The following UBASH3B variants were observed in gnomAD, a reference collection of about 807,000 sequenced individuals.
UBASH3B encodes ubiquitin-associated and SH3 domain-containing protein B.
UBASH3B carries 37 observed loss-of-function variants against 83.4 expected under a neutral mutation model. That is an observed-to-expected ratio of 0.44 (90% CI 0.34 to 0.58). UBASH3B has a LOEUF of 0.58. UBASH3B is among the 20% of genes least tolerant of loss of function. The pLI is 0.01. For missense variants in UBASH3B, 657 were observed against 827.2 expected, an observed-to-expected ratio of 0.79 and a Z score of 2.52; for synonymous variants, 304 against 318.3, an observed-to-expected ratio of 0.96 and a Z score of 0.48.
intron 12 of UBASH3B, among the ~76,000 whole-genome samples, chr11:122,807,769 G>A (rs1056860291): frequency 6.6e-6 from 1 of 152,002 alleles, no homozygotes; most frequent in African/African-American, 2.4e-5. Context: ...GCTCAGGCTG[G>A]TCTCAAACTC....
intron 1 of UBASH3B, among the ~76,000 whole-genome samples, chr11:122,699,129 C>A (rs755828915): frequency 2.0e-5 from 3 of 152,168 alleles, no homozygotes. Flanking sequence ...GGATTCCAGG[C>A]GTGAGCCACT....
intron 1 of UBASH3B, among the ~76,000 whole-genome samples, chr11:122,657,452 C>T (rs1353312295): frequency 6.6e-6 from 1 of 152,030 alleles, no homozygotes; most frequent in Non-Finnish European, 1.5e-5. Flanking sequence ...CCACACCGGG[C>T]TAATTTTTAT....
intron 1 of UBASH3B, among the ~76,000 whole-genome samples, chr11:122,667,248 T>C (rs1863532195): frequency 6.6e-6 from 1 of 151,972 alleles, no homozygotes; most frequent in Admixed American, 6.6e-5. Flanking sequence ...GGTTTTGCCA[T>C]GTTGGCCAGG....
chr11:122,720,827 G>C (rs868498462), intron 1 of UBASH3B, among the ~76,000 whole-genome samples: 2 of 151,806 alleles, frequency 1.3e-5, no homozygotes, highest in African/African-American at 2.4e-5. Flanking sequence ...TTTCCAAAAC[G>C]CTTACTATAA....
chr11:122,746,056 C>T (rs1054726337), intron 1 of UBASH3B, among the ~76,000 whole-genome samples: 3 of 152,084 alleles, frequency 2.0e-5, no homozygotes, highest in East Asian at 3.8e-4. Context: ...GATGGATGAA[C>T]GGATGGGTGG....
At chr11:122,779,789 G>C (rs1263290372) in intron 4 of UBASH3B, 94 bp downstream of exon 4, 1 of 1,476,786 alleles carries the variant, frequency 6.8e-7, no homozygotes, top group Non-Finnish European at 9.3e-7. Flanking sequence ...GAGCAGGATG[G>C]GGTCAGGAGG....
chr11:122,662,723 G>A (rs1246911569), intron 1 of UBASH3B, among the ~76,000 whole-genome samples: 5 of 152,072 alleles, frequency 3.3e-5, no homozygotes, highest in Admixed American at 1.3e-4. Flanking sequence ...GAGACACCAC[G>A]CCCAGCCCAG....
chr11:122,733,754 CAGA>C (rs1860884784), intron 1 of UBASH3B, among the ~76,000 whole-genome samples: 2 of 152,188 alleles, frequency 1.3e-5, no homozygotes, highest in Admixed American at 6.5e-5. Context: ...TGCATGAACT[CAGA>C]AGAAGTAATG....
intron 1 of UBASH3B, among the ~76,000 whole-genome samples, chr11:122,727,238 T>C (rs999012189): frequency 1.3e-5 from 2 of 152,218 alleles, no homozygotes; most frequent in African/African-American, 4.8e-5. Context: ...TTTTCTTTTT[T>C]CTTCCACCAC....
At chr11:122,786,603 G>A (rs1347059920) in intron 5 of UBASH3B, among the ~76,000 whole-genome samples, 1 of 152,150 alleles carries the variant, frequency 6.6e-6, no homozygotes, top group Non-Finnish European at 1.5e-5. Context: ...GTTGCAGTGA[G>A]CCAAGATGAT....
intron 1 of UBASH3B, among the ~76,000 whole-genome samples, chr11:122,732,452 C>T (rs892234460): frequency 6.6e-6 from 1 of 152,182 alleles, no homozygotes; most frequent in Non-Finnish European, 1.5e-5. Context: ...GTATGTGGGC[C>T]TCTCTTTATA....
At chr11:122,753,552 G>A (rs1430623935) in intron 1 of UBASH3B, among the ~76,000 whole-genome samples, 1 of 140,082 alleles carries the variant, frequency 7.1e-6, no homozygotes, top group Non-Finnish European at 1.5e-5. Flanking sequence ...AGGCTGGAGT[G>A]AAATGGCGAA....
At position 122,801,122 on chromosome 11, in the gene UBASH3B, T is replaced by A. The variant is rs776811871; in HGVS notation, c.1451-66T>A. The stretch of plus-strand genomic sequence containing the variant: ...AGAGAATAGCTGATTTATCAGAATT[T>A]TTATAACAACTTGGCCTGAGAATCC... On this transcript the variant is annotated intron_variant, in intron 10 of 13. Coordinates refer to ENST00000284273, the MANE Select transcript of UBASH3B (RefSeq NM_032873.5). 4.8e-4 allele frequency: 762 copies of A among 1,576,200 alleles called. 2 individuals carry two copies. Among genetic ancestry groups the A allele is most frequent in the Non-Finnish European group, 6.4e-4 (742 of 1,158,724 alleles).
chr11:122,778,365 A>C (rs1319878101), intron 3 of UBASH3B, among the ~76,000 whole-genome samples: 3 of 151,960 alleles, frequency 2.0e-5, no homozygotes, highest in Non-Finnish European at 4.4e-5. Flanking sequence ...TCTTTTTTCC[A>C]ATGCTCTCAG....
chr11:122,697,201 G>A (rs899543462), intron 1 of UBASH3B, among the ~76,000 whole-genome samples: 10 of 152,170 alleles, frequency 6.6e-5, no homozygotes, highest in Non-Finnish European at 8.8e-5. Flanking sequence ...TCCAAACAAC[G>A]GGAATGGTGG....
chr11:122,743,582 T>G (rs949175760), intron 1 of UBASH3B, among the ~76,000 whole-genome samples: 1 of 152,162 alleles, frequency 6.6e-6, no homozygotes, highest in African/African-American at 2.4e-5. Context: ...AAAATGGGTA[T>G]ACTATTAGCC....
rs942096598 is a variant in UBASH3B at position 122,753,804 on chromosome 11, T to C, written c.162-22415T>C. Among the ~76,000 whole-genome samples the C allele has an allele frequency of 2.6e-5, 4 of 151,774 alleles. 1 individual carries two copies. Among genetic ancestry groups the C allele is most frequent in the Admixed American group, 2.0e-4 (3 of 15,244 alleles). On this transcript the variant is annotated intron_variant, in intron 1 of 13. Transcript: ENST00000284273. The stretch of plus-strand genomic sequence containing the variant: ...GCCACCGTGCCCGGCCAACCCTGAG[T>C]TTCTTAAAAGAAACCTGCTGCATAA...
chr11:122,787,320 G>A (rs1185982544), intron 5 of UBASH3B, among the ~76,000 whole-genome samples: 1 of 152,162 alleles, frequency 6.6e-6, no homozygotes, highest in Non-Finnish European at 1.5e-5. Flanking sequence ...GGTGGTTTGA[G>A]TGTGTATGAG....
At chr11:122,807,824 G>T (rs901568639) in intron 12 of UBASH3B, among the ~76,000 whole-genome samples, 1 of 152,028 alleles carries the variant, frequency 6.6e-6, no homozygotes, top group Non-Finnish European at 1.5e-5. Flanking sequence ...AAAATTACTG[G>T]GATTACAGGG....
Sources: allele counts gnomAD v4.1 joint callset (sites outside exome capture counted in the v4.1 genomes callset), GRCh38; gene constraint gnomAD v4.1.1; transcripts MANE v1.5; gene names NCBI Gene and HGNC (gene_info 2026-07-23, HGNC 2026-07-21).